Variants in HOMER2 observed in about 807,000 individuals in gnomAD.
The protein encoded by HOMER2 is homer scaffold protein 2.
In HOMER2, 27 loss-of-function variants were observed where a neutral mutation model predicts 47.0. That is an observed-to-expected ratio of 0.57 (90% CI 0.42 to 0.79). The LOEUF (loss-of-function observed/expected upper bound fraction) is 0.79. Among genes scored for constraint, HOMER2 ranks in the 30% least tolerant of loss-of-function variants. HOMER2 has a pLI of 0.00. For missense variants in HOMER2, 443 were observed against 435.0 expected (o/e 1.02, Z -0.16); for synonymous variants, 161 against 163.8 (o/e 0.98, Z 0.13).
In HOMER2 at chr15:82,849,675, C is replaced by T. The variant is rs374705092; in HGVS notation, c.*40G>A. 40 of 1,578,176 alleles carry T rather than the reference C, an allele frequency of 2.5e-5. No individual in the cohort carries two copies. The highest frequency in any genetic ancestry group is 2.7e-5 in the African/African-American group (2 of 74,180). ...CTAGAGCTATCTGGTCTCGCACACA[C>T]GCTTGGGACTCACGGGCGGGGCCTG... On this transcript the variant is annotated 3_prime_UTR_variant, in exon 9 of 9. Transcript: ENST00000450735.
exon 2 of HOMER2, chr15:82,842,851 C>T (rs2051190490): frequency 6.6e-6 from 1 of 152,090 alleles, no homozygotes; most frequent in South Asian, 2.1e-4. Context: ...TCCCAATAAA[C>T]AGTGTTGGGG....
intron 1 of HOMER2, among the ~76,000 whole-genome samples, chr15:82,932,977 G>A (rs1183237806): frequency 2.0e-5 from 3 of 152,022 alleles, no homozygotes; most frequent in African/African-American, 7.3e-5. Context: ...CACCACAAAC[G>A]GCAGCTGGTA....
rs772986081 is a variant in HOMER2, at chr15:82,854,736, T to C, written c.559A>G (p.Thr187Ala). 2.5e-6 allele frequency: 4 copies of C among 1,612,620 alleles called. No individual in the cohort carries two copies. In the South Asian group the frequency reaches 4.4e-5, roughly 18 times the overall value. The change falls in exon 6 of 9, where the codon ACC (threonine) becomes GCC (alanine). Residue 187 changes from threonine (T) to alanine (A), a missense_variant. Coordinates refer to ENST00000450735, the MANE Select transcript of HOMER2 (RefSeq NM_004839.4). ...QTLRESNARL[T>A]TALQESAASV... The stretch of plus-strand genomic sequence containing the variant: ...GCTGCCGACTCCTGCAGTGCTGTGG[T>C]CAGCCGTGCATTGCTCTCCCGAAGG...
intron 1 of HOMER2, among the ~76,000 whole-genome samples, chr15:82,944,975 C>T (rs2054343887): frequency 6.6e-6 from 1 of 151,984 alleles, no homozygotes; most frequent in South Asian, 2.1e-4. Flanking sequence ...TTACTCGGCC[C>T]TGATATTTCC....
rs920296416 is a variant in HOMER2 at position 82,929,972 on chromosome 15, G to A, written c.5+22559C>T. On this transcript the variant is annotated intron_variant, in intron 1 of 8. Transcript: ENST00000450735. ...CTTGAACTCCGACCTCCAGTGATCC[G>A]TCCGCCTCGGCCTCCCAAAGTGCTG... Among the ~76,000 whole-genome samples the A allele has an allele frequency of 6.6e-5, 10 of 151,858 alleles. 1 individual carries two copies. Among genetic ancestry groups the A allele is most frequent in the African/African-American group, 1.7e-4 (7 of 41,350 alleles).
chr15:82,908,066 C>T (rs1165984097), intron 1 of HOMER2, among the ~76,000 whole-genome samples: 4 of 151,954 alleles, frequency 2.6e-5, no homozygotes, highest in Non-Finnish European at 4.4e-5. Flanking sequence ...CCTATGAAGA[C>T]AAAGTAGATG....
intron 1 of HOMER2, among the ~76,000 whole-genome samples, chr15:82,946,015 A>G (rs943143690): frequency 2.0e-5 from 3 of 152,114 alleles, no homozygotes; most frequent in African/African-American, 7.2e-5. Context: ...GGGTAAAGAC[A>G]AAACAAGGGT....
At chr15:82,847,047 T>A (rs553225038), downstream of HOMER2, 1 of 152,336 alleles carries the variant, frequency 6.6e-6, no homozygotes, top group African/African-American at 2.4e-5. Flanking sequence ...GAGACCTCAA[T>A]TGCAAACTGA....
At position 82,849,715 on chromosome 15, in the gene HOMER2, CTA is replaced by C. The variant is rs778678637; in HGVS notation, c.1030_1031del (p.Ter344GlyfsTer20). The C allele has an allele frequency of 6.2e-7, 1 of 1,612,790 alleles. No individual in the cohort carries two copies. On this transcript the variant is annotated frameshift_variant and stop_lost, in exon 9 of 9. Coordinates refer to ENST00000450735, the MANE Select transcript of HOMER2 (RefSeq NM_004839.4). LOFTEE classifies it high-confidence loss of function. ...GGCGGGGCCTGGGCCTCGGCCAGCC[CTA>C]GTTATCGGTGCCCAGCTTGGAGAGC... ...RGLSKLGTDN* is the reference protein window; with the variant it reads ...RGLSKLGTDNX
chr15:82,843,560 G>T (rs1402047123), exon 2 of HOMER2: 3 of 147,288 alleles, frequency 2.0e-5, no homozygotes, highest in African/African-American at 5.0e-5. Context: ...TGACTAAAAG[G>T]TGTTTTTTTA....
At chr15:82,967,198 C>T (rs927559164) in intron 1 of HOMER2, among the ~76,000 whole-genome samples, 1 of 152,018 alleles carries the variant, frequency 6.6e-6, no homozygotes, top group African/African-American at 2.4e-5. Context: ...CTGTAGTGAG[C>T]TATGACTGCC....
intron 2 of HOMER2, among the ~76,000 whole-genome samples, chr15:82,876,124 G>C (rs1477715241): frequency 6.6e-6 from 1 of 152,184 alleles, no homozygotes; most frequent in Non-Finnish European, 1.5e-5. Context: ...CCTCACAGGA[G>C]TGGGGAACTG....
chr15:82,975,775 G>T (rs367563623), intron 1 of HOMER2, among the ~76,000 whole-genome samples: 5 of 152,286 alleles, frequency 3.3e-5, no homozygotes, highest in African/African-American at 1.2e-4. Flanking sequence ...AATAGAATGA[G>T]TAAGACCTAC....
chr15:82,835,923 T>C (rs2051121504), downstream of HOMER2: 1 of 152,248 alleles, frequency 6.6e-6, no homozygotes, highest in Non-Finnish European at 1.5e-5. Flanking sequence ...TTCTTATGCA[T>C]ATTTTGCAGT....
intron 1 of HOMER2, among the ~76,000 whole-genome samples, chr15:82,934,972 C>CT (rs2054110277): frequency 6.6e-6 from 1 of 152,122 alleles, no homozygotes; most frequent in Non-Finnish European, 1.5e-5. Context: ...GATGGGAACT[C>CT]TGTCTTCCCA....
intron 5 of HOMER2, among the ~76,000 whole-genome samples, chr15:82,856,528 G>T (rs1370500598): frequency 6.6e-6 from 1 of 152,042 alleles, no homozygotes; most frequent in Non-Finnish European, 1.5e-5. Context: ...CTGAGGCGGG[G>T]GGATCAGTCG....
At chr15:82,894,588 G>A (rs572233739) in intron 1 of HOMER2, among the ~76,000 whole-genome samples, 41 of 150,372 alleles carry the variant, frequency 2.7e-4, no homozygotes, top group Non-Finnish European at 3.0e-4. Context: ...GAAGAATGGC[G>A]TGAACCCGGG....
At chr15:82,904,115 C>T (rs1471393066) in intron 1 of HOMER2, among the ~76,000 whole-genome samples, 6 of 152,086 alleles carry the variant, frequency 3.9e-5, no homozygotes, top group Non-Finnish European at 8.8e-5. Context: ...CCAGCCTGGG[C>T]GACAGAGTGA....
At chr15:82,837,250 G>A (rs527502145) in exon 2 of HOMER2, 39 of 152,314 alleles carry the variant, frequency 2.6e-4, no homozygotes, top group African/African-American at 9.1e-4. Flanking sequence ...GGGCCCACCC[G>A]GATAATCCAG....
Sources: gnomAD v4.1 joint callset for allele counts (sites outside exome capture counted in the v4.1 genomes callset) on GRCh38, gnomAD v4.1.1 for gene constraint, MANE v1.5 for transcripts, NCBI Gene and HGNC (gene_info 2026-07-23, HGNC 2026-07-21) for gene names.